The following ANGPT1 variants were observed in gnomAD, a reference collection of about 807,000 sequenced individuals.
ANGPT1 encodes angiopoietin 1, also known as angiopoietin-1.
Under a neutral mutation model 62.2 loss-of-function variants are expected in ANGPT1, and 17 were observed. That is an observed-to-expected ratio of 0.27 (90% confidence interval 0.19 to 0.41). The LOEUF is 0.41. ANGPT1 is among the 10% of genes least tolerant of loss of function. ANGPT1 has a pLI of 1.00. For missense variants in ANGPT1, 478 were observed against 594.9 expected (o/e 0.80, Z 2.04); for synonymous variants, 199 against 198.9 (o/e 1.00, Z 0.00).
intron 4 of ANGPT1, among the ~76,000 whole-genome samples, chr8:107,321,228 C>T (rs1815142266): frequency 1.3e-5 from 2 of 151,852 alleles, no homozygotes; most frequent in South Asian, 4.2e-4. Flanking sequence ...GTAGATATTC[C>T]CAAAGGTTCA....
At chr8:107,328,353 A>G (rs1463498770) in intron 3 of ANGPT1, among the ~76,000 whole-genome samples, 3 of 152,024 alleles carry the variant, frequency 2.0e-5, no homozygotes, top group Non-Finnish European at 4.4e-5. Flanking sequence ...TTTGTTTGGA[A>G]ATTCAAATTT....
At chr8:107,378,933 C>CAT (rs35844574) in intron 1 of ANGPT1, among the ~76,000 whole-genome samples, 12,227 of 148,354 alleles carry the variant, frequency 0.082, 540 homozygotes, top group South Asian at 0.11. Context: ...TATACACATA[C>CAT]ATATATATAT....
chr8:107,480,456 TG>T (rs1170390694), intron 1 of ANGPT1, among the ~76,000 whole-genome samples: 1 of 152,176 alleles, frequency 6.6e-6, no homozygotes, highest in Admixed American at 6.5e-5. Flanking sequence ...AAAAATTTTA[TG>T]GGGACAATGC....
At chr8:107,289,961 C>G (rs1814235433) in intron 6 of ANGPT1, among the ~76,000 whole-genome samples, 1 of 152,070 alleles carries the variant, frequency 6.6e-6, no homozygotes, top group Non-Finnish European at 1.5e-5. Flanking sequence ...GAGCTAATAT[C>G]TTCCCTAAGT....
intron 7 of ANGPT1, among the ~76,000 whole-genome samples, chr8:107,268,058 TTC>T (rs1243076145): frequency 1.3e-5 from 2 of 152,190 alleles, no homozygotes; most frequent in African/African-American, 4.8e-5. Flanking sequence ...CTTTTCACTT[TTC>T]TGTTTCCCAT....
At chr8:107,288,409 A>G (rs1814195299) in intron 6 of ANGPT1, among the ~76,000 whole-genome samples, 1 of 152,072 alleles carries the variant, frequency 6.6e-6, no homozygotes, top group Admixed American at 6.6e-5. Flanking sequence ...GCTACACAAG[A>G]GGTAATTTTT....
In ANGPT1 at chr8:107,497,692, G is replaced by C; in HGVS notation, c.-134C>G. The C allele has an allele frequency of 2.0e-6, 2 of 1,014,912 alleles. No homozygotes were observed. Among genetic ancestry groups the C allele is most frequent in the Non-Finnish European group, 2.8e-6 (2 of 723,864 alleles). 62.9% of individuals were successfully genotyped at this position (1,014,912 alleles called of 1,614,324 possible). A position where few individuals can be genotyped will look rare whatever the true frequency, so the allele number is the denominator to read the frequency against. ...TTCCCCCTCAAAGAAAGCGTTTGAA[G>C]AAGAATCATAGAAAACTAGCCATTT... is the stretch of plus-strand genomic sequence containing the variant. On this transcript the variant is annotated 5_prime_UTR_variant, in exon 1 of 9. Transcript: ENST00000517746.
At chr8:107,329,030 T>C (rs1815356587) in intron 3 of ANGPT1, among the ~76,000 whole-genome samples, 1 of 151,998 alleles carries the variant, frequency 6.6e-6, no homozygotes, top group South Asian at 2.1e-4. Flanking sequence ...GTAATATATG[T>C]ATGACAAATT....
At chr8:107,455,203 G>A (rs895108869) in intron 1 of ANGPT1, among the ~76,000 whole-genome samples, 6 of 151,948 alleles carry the variant, frequency 3.9e-5, no homozygotes, top group Admixed American at 6.6e-5. Flanking sequence ...AGAGCCTTTC[G>A]TGATCTCCAT....
intron 1 of ANGPT1, among the ~76,000 whole-genome samples, chr8:107,359,372 C>T (rs1235640423): frequency 1.3e-5 from 2 of 152,074 alleles, no homozygotes; most frequent in African/African-American, 4.8e-5. Flanking sequence ...TATTTAAATA[C>T]TATATCTCAA....
intron 1 of ANGPT1, among the ~76,000 whole-genome samples, chr8:107,494,258 G>C (rs1263797362): frequency 6.6e-6 from 1 of 152,144 alleles, no homozygotes; most frequent in Non-Finnish European, 1.5e-5. Context: ...GTGGGAGACA[G>C]AAAACAATAG....
chr8:107,338,031 G>A (rs1815607706), intron 2 of ANGPT1, among the ~76,000 whole-genome samples: 2 of 152,180 alleles, frequency 1.3e-5, no homozygotes, highest in Admixed American at 1.3e-4. Flanking sequence ...GGCAGGCAGA[G>A]TTTGCAGTGA....
chr8:107,300,424 CTATGAT>C (rs1328445053), intron 5 of ANGPT1, among the ~76,000 whole-genome samples: 2 of 151,576 alleles, frequency 1.3e-5, no homozygotes, highest in Non-Finnish European at 3.0e-5. Flanking sequence ...GTAAGAGAAT[CTATGAT>C]TATAATAGGG....
intron 1 of ANGPT1, among the ~76,000 whole-genome samples, chr8:107,426,457 TTATC>T (rs1811044890): frequency 1.3e-5 from 2 of 152,214 alleles, no homozygotes; most frequent in African/African-American, 4.8e-5. Context: ...TGAGGAAAGT[TTATC>T]TATTTAAACA....
chr8:107,463,104 A>G (rs971018884), intron 1 of ANGPT1, among the ~76,000 whole-genome samples: 2 of 152,134 alleles, frequency 1.3e-5, no homozygotes, highest in Admixed American at 6.6e-5. Flanking sequence ...ATGGTTTCAA[A>G]AGGTATTTCT....
chr8:107,440,906 A>T (rs1368495), intron 1 of ANGPT1, among the ~76,000 whole-genome samples: 30,371 of 152,206 alleles, frequency 0.2, 3,227 homozygotes, highest in Non-Finnish European at 0.24. Flanking sequence ...TGGACACTCT[A>T]AACTAGAGAA....
intron 1 of ANGPT1, among the ~76,000 whole-genome samples, chr8:107,449,904 A>C (rs1811724738): frequency 6.6e-6 from 1 of 152,110 alleles, no homozygotes; most frequent in Non-Finnish European, 1.5e-5. Flanking sequence ...TTTGGGTTAG[A>C]CTTGCCTTCT....
chr8:107,432,505 A>T (rs867785355), intron 1 of ANGPT1, among the ~76,000 whole-genome samples: 19 of 152,272 alleles, frequency 1.2e-4, no homozygotes, highest in Middle Eastern at 3.4e-3. Flanking sequence ...TCTGCTAAAA[A>T]TACAAAAAAT....
intron 4 of ANGPT1, among the ~76,000 whole-genome samples, chr8:107,313,758 T>G (rs1479843723): frequency 1.3e-5 from 2 of 151,998 alleles, no homozygotes; most frequent in Non-Finnish European, 2.9e-5. Flanking sequence ...GTTACTAGTT[T>G]TAAAGATTCT....
Sources: allele counts gnomAD v4.1 joint callset (sites outside exome capture counted in the v4.1 genomes callset), GRCh38; gene constraint gnomAD v4.1.1; transcripts MANE v1.5; gene names NCBI Gene and HGNC (gene_info 2026-07-23, HGNC 2026-07-21).